PRKAG2: variants seen among roughly 807,000 people sequenced by gnomAD.
PRKAG2 encodes the protein protein kinase AMP-activated non-catalytic subunit gamma 2.
PRKAG2 carries 26 observed loss-of-function variants against 69.6 expected under a neutral mutation model. That is an observed-to-expected ratio of 0.37 (90% CI 0.27 to 0.52). PRKAG2 has a LOEUF of 0.52. Among genes scored for constraint, PRKAG2 ranks in the 20% least tolerant of loss-of-function variants. The pLI is 0.90. For synonymous variants in PRKAG2, 293 were observed against 285.0 expected (o/e 1.03, Z -0.28); for missense variants, 557 against 740.0 (o/e 0.75, Z 2.87).
Position 151,699,083 on chromosome 7 carries a change from C to T in PRKAG2, c.467-23446G>A, listed in dbSNP as rs1231859986. Among the ~76,000 whole-genome samples the T allele has an allele frequency of 6.6e-6, 1 of 152,202 alleles. No homozygotes were observed. The highest frequency in any genetic ancestry group is 6.5e-5 in the Admixed American group (1 of 15,280). ...GAAATGACCTGCAAGTCTGCAGAGC[C>T]AGTCTGCAAACTCTGGGGAGCACCC... On this transcript the variant is annotated intron_variant, in intron 3 of 15. Coordinates refer to ENST00000287878, the MANE Select transcript of PRKAG2 (RefSeq NM_016203.4). This position sits in a 1 kb window ranked among gnomAD's most constrained non-coding sequence, Gnocchi z 4.5.
At chr7:151,559,518 T>A (rs1016835191) in intron 15 of PRKAG2, 1 of 981,918 alleles carries the variant, frequency 1.0e-6, no homozygotes, top group African/African-American at 1.8e-5. Context: ...GTGGTGATGA[T>A]GCCTGGCCTG....
intron 1 of PRKAG2, among the ~76,000 whole-genome samples, chr7:151,826,629 T>C (rs2078910254): frequency 6.6e-6 from 1 of 152,210 alleles, no homozygotes; most frequent in Non-Finnish European, 1.5e-5. Flanking sequence ...TAGGGATTTG[T>C]ATGCTATCAA....
chr7:151,786,384 C>T, intron 2 of PRKAG2, 86 bp downstream of exon 2: 2 of 1,323,624 alleles, frequency 1.5e-6, no homozygotes. Context: ...TGAGGGTGAA[C>T]ACACAGGTGG....
rs548181226 is a variant in PRKAG2, at chr7:151,718,433, G to A, written c.467-42796C>T. 4.6e-5 allele frequency among the ~76,000 whole-genome samples: 7 copies of A among 152,014 alleles called. No homozygotes were observed. In the South Asian group the frequency reaches 1.5e-3, roughly 32 times the overall value. ...CAGGGCTTCAACGTATGAATTCGGG[G>A]GACACGATCTGGTCCACAGCACGGC... On this transcript the variant is annotated intron_variant, in intron 3 of 15. Transcript: ENST00000287878.
chr7:151,653,673 C>T (rs1474372781), intron 4 of PRKAG2, among the ~76,000 whole-genome samples: 1 of 152,088 alleles, frequency 6.6e-6, no homozygotes, highest in Non-Finnish European at 1.5e-5. Flanking sequence ...GAAACCAAGT[C>T]TCTACTAGAA....
At chr7:151,745,360 G>A (rs1034254422) in intron 3 of PRKAG2, among the ~76,000 whole-genome samples, 2 of 152,200 alleles carry the variant, frequency 1.3e-5, no homozygotes, top group African/African-American at 4.8e-5. Flanking sequence ...AAGTTCTAAA[G>A]GTCACTGCTG....
chr7:151,785,373 G>A (rs368861593), intron 2 of PRKAG2, among the ~76,000 whole-genome samples: 1,544 of 152,294 alleles, frequency 0.01, 27 homozygotes, highest in Admixed American at 0.034. Context: ...GGGGTTGGTG[G>A]CCCCTTCCTG....
chr7:151,661,640 G>T (rs1830340146), intron 4 of PRKAG2, among the ~76,000 whole-genome samples: 2 of 152,168 alleles, frequency 1.3e-5, no homozygotes, highest in African/African-American at 4.8e-5. Flanking sequence ...TCAGGACTTA[G>T]AATAATAATG....
intron 1 of PRKAG2, among the ~76,000 whole-genome samples, chr7:151,825,854 G>A (rs1325104720): frequency 6.6e-6 from 1 of 152,172 alleles, no homozygotes; most frequent in Non-Finnish European, 1.5e-5. Context: ...TCCCATCCCA[G>A]CCTAAGGCTT....
intron 4 of PRKAG2, among the ~76,000 whole-genome samples, chr7:151,645,491 C>T (rs1827410197): frequency 6.6e-6 from 1 of 152,208 alleles, no homozygotes; most frequent in African/African-American, 2.4e-5. Flanking sequence ...ACCTGAACTT[C>T]TGACCTACAG....
At chr7:151,617,287 G>GGAAA (rs1191521313) in intron 5 of PRKAG2, among the ~76,000 whole-genome samples, 1 of 120,934 alleles carries the variant, frequency 8.3e-6, no homozygotes. Context: ...AGGGAAAGAG[G>GGAAA]GAGGGGGGGA....
At chr7:151,874,452 T>C in intron 1 of PRKAG2, among the ~76,000 whole-genome samples, 2 of 18,388 alleles carry the variant, frequency 1.1e-4, no homozygotes, top group Admixed American at 9.6e-4. Context: ...TATATGTATA[T>C]GATGTATATG....
chr7:151,701,439 G>A (rs1012511744), intron 3 of PRKAG2, among the ~76,000 whole-genome samples: 1 of 152,194 alleles, frequency 6.6e-6, no homozygotes, highest in Non-Finnish European at 1.5e-5. Context: ...TCATACTAGG[G>A]TGGGTCCTCA....
intron 4 of PRKAG2, among the ~76,000 whole-genome samples, chr7:151,662,436 G>A (rs1438013006): frequency 1.3e-5 from 2 of 152,026 alleles, no homozygotes; most frequent in Admixed American, 6.6e-5. Context: ...CTTCCCACAC[G>A]CCACATATCC....
At chr7:151,597,282 G>C (rs1372741938) in intron 5 of PRKAG2, among the ~76,000 whole-genome samples, 1 of 152,188 alleles carries the variant, frequency 6.6e-6, no homozygotes, top group East Asian at 1.9e-4. Flanking sequence ...ATGGAAAATA[G>C]ATTAGAGACT....
intron 4 of PRKAG2, chr7:151,633,045 C>T (rs1825068414): frequency 6.6e-6 from 1 of 152,282 alleles, no homozygotes; most frequent in African/African-American, 2.4e-5. Flanking sequence ...GTCCCTGGCC[C>T]CACGGCCCAT....
At chr7:151,560,495 A>T in intron 15 of PRKAG2, 29 bp downstream of exon 15, 1 of 1,614,030 alleles carries the variant, frequency 6.2e-7, no homozygotes, top group Non-Finnish European at 8.5e-7. Context: ...CTAGACGCCG[A>T]TGGCAAAGGT....
chr7:151,842,627 G>T (rs1000676522), intron 1 of PRKAG2, among the ~76,000 whole-genome samples: 3 of 97,052 alleles, frequency 3.1e-5, no homozygotes, highest in African/African-American at 4.5e-5. Context: ...AGTGATGATG[G>T]TAGCGATGGT....
chr7:151,720,985 AGAGGGGATG>A (rs1309306044), intron 3 of PRKAG2, among the ~76,000 whole-genome samples: 20 of 135,076 alleles, frequency 1.5e-4, no homozygotes, highest in Admixed American at 5.6e-4. Context: ...TGGAGCAGGC[AGAGGGGATG>A]GAGGGAATGG....
Sources: gnomAD v4.1 joint callset for allele counts (sites outside exome capture counted in the v4.1 genomes callset) on GRCh38, gnomAD v4.1.1 for gene constraint, Gnocchi (gnomAD v3.1) non-coding constraint, MANE v1.5 for transcripts, NCBI Gene and HGNC (gene_info 2026-07-23, HGNC 2026-07-21) for gene names.